Variants in NKAIN2 observed in about 807,000 individuals in gnomAD.
NKAIN2 encodes the protein sodium/potassium-transporting ATPase subunit beta-1-interacting protein 2.
NKAIN2 carries 14 observed loss-of-function variants against 32.6 expected under a neutral mutation model. The observed-to-expected ratio is 0.43, with a 90% CI of 0.28 to 0.67. The LOEUF (loss-of-function observed/expected upper bound fraction) is 0.67. NKAIN2 is among the 30% of genes least tolerant of loss of function. The probability of loss-of-function intolerance (pLI) is 0.17; values close to 1 mark genes in which losing one functional copy is unlikely to be tolerated. For synonymous variants in NKAIN2, 80 were observed against 87.2 expected (o/e 0.92, Z 0.46); for missense variants, 198 against 258.3 (o/e 0.77, Z 1.60).
At chr6:124,456,219 C>T (rs542934805) in intron 3 of NKAIN2, among the ~76,000 whole-genome samples, 38 of 151,772 alleles carry the variant, frequency 2.5e-4, no homozygotes, top group Admixed American at 6.6e-4. Flanking sequence ...CTTTTTATTT[C>T]TCTCACAGAC....
chr6:123,853,668 AAG>A (rs1562220536), intron 1 of NKAIN2, among the ~76,000 whole-genome samples: 1 of 152,194 alleles, frequency 6.6e-6, no homozygotes, highest in Non-Finnish European at 1.5e-5. Flanking sequence ...GAATGACAAA[AAG>A]GGGGGATGAT....
In NKAIN2 at chr6:124,470,050, A is replaced by T. The variant is rs114802361; in HGVS notation, c.273+114703A>T. On this transcript the variant is annotated intron_variant, in intron 3 of 6. Coordinates refer to ENST00000368417, the MANE Select transcript of NKAIN2 (RefSeq NM_001040214.3). Reference sequence around the variant, plus strand: ...AGGATTCACTGGGAAAGCAAAACATAAGTTCTGAAGAATGAATCAAAGTTA... The same window carrying T: ...AGGATTCACTGGGAAAGCAAAACATTAGTTCTGAAGAATGAATCAAAGTTA... Among the ~76,000 whole-genome samples the T allele has an allele frequency of 7.8e-3, 1,184 of 152,298 alleles. 15 individuals carry two copies. Among genetic ancestry groups the T allele is most frequent in the African/African-American group, 0.027 (1,120 of 41,572 alleles).
At chr6:124,037,232 G>A (rs1781641903) in intron 1 of NKAIN2, among the ~76,000 whole-genome samples, 1 of 152,104 alleles carries the variant, frequency 6.6e-6, no homozygotes, top group Non-Finnish European at 1.5e-5. Context: ...CATGAAATAA[G>A]TAGATTCATA....
chr6:124,686,793 C>T (rs977341036), intron 4 of NKAIN2, among the ~76,000 whole-genome samples: 5 of 152,190 alleles, frequency 3.3e-5, no homozygotes, highest in African/African-American at 9.6e-5. Flanking sequence ...TGGATTGAAG[C>T]ATACAAAGTA....
At chr6:124,290,510 ATGTGTGTGTGTGTGTG>A (rs56389666) in intron 2 of NKAIN2, among the ~76,000 whole-genome samples, 6 of 137,874 alleles carry the variant, frequency 4.4e-5, no homozygotes, top group Non-Finnish European at 6.3e-5. Flanking sequence ...TACCTCAGAA[ATGTGTGTGTGTGTGTG>A]TGTGTGTGTG....
At chr6:124,297,636 G>A (rs1796113614) in intron 2 of NKAIN2, among the ~76,000 whole-genome samples, 1 of 151,940 alleles carries the variant, frequency 6.6e-6, no homozygotes, top group Admixed American at 6.6e-5. Context: ...TTGGTTGCTG[G>A]TGAAGGATTC....
At chr6:124,226,268 A>G (rs184457423) in intron 1 of NKAIN2, among the ~76,000 whole-genome samples, 86 of 152,152 alleles carry the variant, frequency 5.7e-4, no homozygotes, top group African/African-American at 1.8e-3. Flanking sequence ...GCTTGGATAT[A>G]TTGATAAGCT....
At chr6:124,101,367 A>G (rs1450882982) in intron 1 of NKAIN2, among the ~76,000 whole-genome samples, 1 of 152,200 alleles carries the variant, frequency 6.6e-6, no homozygotes, top group Non-Finnish European at 1.5e-5. Flanking sequence ...TCACCATTCC[A>G]TTTTTGAAAG....
intron 3 of NKAIN2, among the ~76,000 whole-genome samples, chr6:124,637,166 A>G (rs1642465909): frequency 6.6e-6 from 1 of 152,112 alleles, no homozygotes; most frequent in Admixed American, 6.5e-5. Context: ...GGTGCAGAAA[A>G]AGTATCTGAT....
At chr6:124,037,346 G>A (rs578079328) in intron 1 of NKAIN2, among the ~76,000 whole-genome samples, 1 of 152,102 alleles carries the variant, frequency 6.6e-6, no homozygotes, top group African/African-American at 2.4e-5. Flanking sequence ...GGAAAGACTT[G>A]GACACTAATT....
intron 3 of NKAIN2, among the ~76,000 whole-genome samples, chr6:124,520,149 G>C (rs553770714): frequency 2.0e-4 from 30 of 152,150 alleles, no homozygotes; most frequent in Non-Finnish European, 3.7e-4. Context: ...ATACGAAAAG[G>C]AATCTTCCCT....
At position 124,361,636 on chromosome 6, in the gene NKAIN2, T is replaced by G. The variant is rs543502123; in HGVS notation, c.273+6289T>G. On this transcript the variant is annotated intron_variant, in intron 3 of 6. Coordinates refer to ENST00000368417, the MANE Select transcript of NKAIN2 (RefSeq NM_001040214.3). ...AGCTGTCATATTTTAATAATTTTGA[T>G]AGTTGCTTCAGAGATCTAGATATAA... Among the ~76,000 whole-genome samples, 27 of 152,234 alleles carry G rather than the reference T, an allele frequency of 1.8e-4. 2 individuals are homozygous for G. The South Asian group carries it at 5.2e-3, about 29-fold the overall frequency.
At chr6:124,061,240 G>A (rs533024165) in intron 1 of NKAIN2, among the ~76,000 whole-genome samples, 9 of 152,210 alleles carry the variant, frequency 5.9e-5, no homozygotes, top group African/African-American at 2.2e-4. Context: ...CCATATATGT[G>A]CTGGAGTTGG....
intron 3 of NKAIN2, among the ~76,000 whole-genome samples, chr6:124,504,871 C>T (rs557877020): frequency 3.1e-4 from 47 of 152,228 alleles, no homozygotes; most frequent in Middle Eastern, 3.4e-3. Context: ...AAATGGTCAT[C>T]CATAGTTTAA....
At chr6:124,295,921 A>G (rs1242258725) in intron 2 of NKAIN2, among the ~76,000 whole-genome samples, 3 of 151,274 alleles carry the variant, frequency 2.0e-5, no homozygotes, top group Non-Finnish European at 4.4e-5. Context: ...CAATTTGTCA[A>G]TCTGGTGATA....
At chr6:123,833,510 G>A (rs760044907) in intron 1 of NKAIN2, among the ~76,000 whole-genome samples, 2 of 152,086 alleles carry the variant, frequency 1.3e-5, no homozygotes, top group Non-Finnish European at 2.9e-5. Flanking sequence ...TATAGATCAA[G>A]TTGGGAAAAC....
At chr6:124,349,292 T>TC (rs1191433251) in intron 2 of NKAIN2, among the ~76,000 whole-genome samples, 2 of 151,484 alleles carry the variant, frequency 1.3e-5, no homozygotes, top group Non-Finnish European at 2.9e-5. Flanking sequence ...GCCAGCCTGC[T>TC]CCCCCCTACA....
At chr6:124,013,447 G>T (rs1196362843) in intron 1 of NKAIN2, among the ~76,000 whole-genome samples, 1 of 152,124 alleles carries the variant, frequency 6.6e-6, no homozygotes, top group Admixed American at 6.5e-5. Context: ...ACATAGATAG[G>T]CATGTCATTT....
chr6:124,262,563 G>C (rs1794302319), intron 1 of NKAIN2, among the ~76,000 whole-genome samples: 2 of 152,172 alleles, frequency 1.3e-5, no homozygotes, highest in Non-Finnish European at 2.9e-5. Context: ...TCCTAAAATA[G>C]TTTAGACCTT....
Sources: gnomAD v4.1 joint callset for allele counts (sites outside exome capture counted in the v4.1 genomes callset) on GRCh38, gnomAD v4.1.1 for gene constraint, MANE v1.5 for transcripts, NCBI Gene and HGNC (gene_info 2026-07-23, HGNC 2026-07-21) for gene names.